The following TRHDE variants were observed in gnomAD, a reference collection of about 807,000 sequenced individuals.
TRHDE encodes thyrotropin-releasing hormone-degrading ectoenzyme.
Under a neutral mutation model 125.7 loss-of-function variants are expected in TRHDE, and 72 were observed. The ratio of observed to expected loss-of-function variants is 0.57; its 90% CI spans 0.47 to 0.70. The LOEUF (loss-of-function observed/expected upper bound fraction) is 0.70, where lower values mean the gene tolerates loss of function less well. Among genes scored for constraint, TRHDE ranks in the 30% least tolerant of loss-of-function variants. The probability of loss-of-function intolerance (pLI) is 0.00; values close to 1 mark genes in which losing one functional copy is unlikely to be tolerated. For synonymous variants in TRHDE, 509 were observed against 509.1 expected (o/e 1.00, Z 0.00); for missense variants, 1,110 against 1,327.1 (o/e 0.84, Z 2.54).
intron 1 of TRHDE, among the ~76,000 whole-genome samples, chr12:72,280,150 T>C (rs2139418777): frequency 6.6e-6 from 1 of 152,298 alleles, no homozygotes; most frequent in South Asian, 2.1e-4. Flanking sequence ...ATATCCTGAC[T>C]CTGCCACTTA....
intron 18 of TRHDE, among the ~76,000 whole-genome samples, chr12:72,661,817 T>A (rs797008640): frequency 1.3e-5 from 2 of 152,292 alleles, no homozygotes; most frequent in African/African-American, 4.8e-5. Flanking sequence ...TAAGTCTTTG[T>A]TATACATTGG....
Position 72,599,871 on chromosome 12 carries a change from T to G in TRHDE, c.2322-19020T>G, listed in dbSNP as rs182929499. 6.2e-3 allele frequency among the ~76,000 whole-genome samples: 939 copies of G among 152,210 alleles called. 4 individuals carry two copies. Among genetic ancestry groups the G allele is most frequent in the South Asian group, 0.024 (117 of 4,824 alleles). ...ATTTTCTTTTAGGGTTCTTAGAGTT[T>G]GAGTTCTTACATTTAAATTTTTAAT... On this transcript the variant is annotated intron_variant, in intron 12 of 18. Coordinates refer to ENST00000261180, the MANE Select transcript of TRHDE (RefSeq NM_013381.3).
intron 2 of TRHDE, among the ~76,000 whole-genome samples, chr12:72,376,415 C>T (rs1871885154): frequency 6.6e-6 from 1 of 152,096 alleles, no homozygotes; most frequent in Non-Finnish European, 1.5e-5. Context: ...GTAGGGGATC[C>T]TAACCACTAC....
chr12:72,423,242 T>C (rs918658445), intron 3 of TRHDE, among the ~76,000 whole-genome samples: 4 of 152,180 alleles, frequency 2.6e-5, no homozygotes, highest in African/African-American at 9.7e-5. Context: ...GGCTAAGCTA[T>C]GGTGTTTGGT....
intron 2 of TRHDE, among the ~76,000 whole-genome samples, chr12:72,110,363 A>G (rs1196008827): frequency 6.6e-6 from 1 of 152,104 alleles, no homozygotes; most frequent in Admixed American, 6.6e-5. Flanking sequence ...AAGACAAGGT[A>G]CAGAGAGTTT....
chr12:72,103,142 A>G (rs982377318), intron 1 of TRHDE, among the ~76,000 whole-genome samples: 14 of 152,296 alleles, frequency 9.2e-5, no homozygotes, highest in Middle Eastern at 3.4e-3. Context: ...CTGAGACACA[A>G]TTTGAACAAT....
intron 18 of TRHDE, among the ~76,000 whole-genome samples, chr12:72,659,633 G>A (rs1007553275): frequency 4.6e-5 from 7 of 152,134 alleles, no homozygotes; most frequent in African/African-American, 1.7e-4. Flanking sequence ...TGAAATAAGA[G>A]GAAATTTTAA....
chr12:72,527,379 C>T (rs144307637), intron 6 of TRHDE, among the ~76,000 whole-genome samples: 106 of 152,148 alleles, frequency 7.0e-4, no homozygotes, highest in South Asian at 5.8e-3. Flanking sequence ...ATATGGGATA[C>T]TACAGTTATG....
chr12:72,202,363 A>C (rs1233466877), intron 2 of TRHDE, among the ~76,000 whole-genome samples: 1 of 152,192 alleles, frequency 6.6e-6, no homozygotes, highest in Non-Finnish European at 1.5e-5. Flanking sequence ...GAGAAGTTTC[A>C]ATAATATGAA....
At chr12:72,160,997 G>A (rs527548044) in intron 2 of TRHDE, among the ~76,000 whole-genome samples, 19 of 152,114 alleles carry the variant, frequency 1.2e-4, no homozygotes, top group Non-Finnish European at 2.2e-4. Flanking sequence ...GTTTGTTTTA[G>A]TAAATACAAA....
At chr12:72,585,017 C>T (rs11179265) in intron 12 of TRHDE, among the ~76,000 whole-genome samples, 10,284 of 152,154 alleles carry the variant, frequency 0.068, 417 homozygotes, top group Middle Eastern at 0.11. Flanking sequence ...GGAAGCTCTG[C>T]CTCTGCCTGG....
intron 12 of TRHDE, among the ~76,000 whole-genome samples, chr12:72,602,779 C>A (rs777619183): frequency 2.0e-5 from 3 of 152,112 alleles, no homozygotes; most frequent in Non-Finnish European, 2.9e-5. Flanking sequence ...ACATATGGAA[C>A]CACTAATTTG....
intron 2 of TRHDE, among the ~76,000 whole-genome samples, chr12:72,330,863 A>G (rs925880041): frequency 6.6e-6 from 1 of 152,156 alleles, no homozygotes; most frequent in Non-Finnish European, 1.5e-5. Context: ...AGCATGCCTT[A>G]GATTCACCAG....
intron 3 of TRHDE, among the ~76,000 whole-genome samples, chr12:72,466,953 C>T (rs770267335): frequency 3.3e-5 from 5 of 152,254 alleles, no homozygotes; most frequent in Admixed American, 2.0e-4. Context: ...AGCACCATGA[C>T]GATAGAGAGC....
intron 2 of TRHDE, among the ~76,000 whole-genome samples, chr12:72,376,779 C>G (rs555157972): frequency 3.3e-5 from 5 of 151,776 alleles, no homozygotes; most frequent in African/African-American, 9.7e-5. Context: ...ACATGTACAG[C>G]TTTATTTGTT....
chr12:72,202,447 T>C (rs1877578970), intron 2 of TRHDE, among the ~76,000 whole-genome samples: 1 of 152,210 alleles, frequency 6.6e-6, no homozygotes, highest in Admixed American at 6.5e-5. Context: ...TAAGAGTAAT[T>C]AATATAGCTT....
chr12:72,580,387 C>T (rs573671568), intron 12 of TRHDE, among the ~76,000 whole-genome samples: 13 of 152,262 alleles, frequency 8.5e-5, no homozygotes, highest in Admixed American at 7.8e-4. Flanking sequence ...TTATGGCTTG[C>T]ACTTTAAAAT....
intron 3 of TRHDE, among the ~76,000 whole-genome samples, chr12:72,416,459 C>T (rs1873736686): frequency 6.6e-6 from 1 of 151,716 alleles, no homozygotes; most frequent in African/African-American, 2.4e-5. Flanking sequence ...TAATCTTTAC[C>T]CACACCAATG....
chr12:72,518,784 T>C (rs1255819112), intron 6 of TRHDE, among the ~76,000 whole-genome samples: 5 of 152,214 alleles, frequency 3.3e-5, no homozygotes, highest in Admixed American at 6.5e-5. Flanking sequence ...CGGCTGGTAC[T>C]GGTCGTTCCT....
Sources: gnomAD v4.1 joint callset for allele counts (sites outside exome capture counted in the v4.1 genomes callset) on GRCh38, gnomAD v4.1.1 for gene constraint, MANE v1.5 for transcripts, NCBI Gene and HGNC (gene_info 2026-07-23, HGNC 2026-07-21) for gene names.